Variants in ANKS1B observed in about 807,000 individuals in gnomAD.
ANKS1B encodes ankyrin repeat and sterile alpha motif domain-containing protein 1B.
ANKS1B carries 36 observed loss-of-function variants against 148.3 expected under a neutral mutation model. The ratio of observed to expected loss-of-function variants is 0.24; its 90% CI spans 0.19 to 0.32. The LOEUF is 0.32. Ranked by LOEUF, ANKS1B falls within the 10% of genes least tolerant of loss-of-function variation. The pLI is 1.00. For missense variants in ANKS1B, 1,157 were observed against 1,542.6 expected, an observed-to-expected ratio of 0.75 and a Z score of 4.19; for synonymous variants, 542 against 560.8, an observed-to-expected ratio of 0.97 and a Z score of 0.47.
chr12:99,315,249 A>C (rs992518293), intron 12 of ANKS1B, among the ~76,000 whole-genome samples: 4 of 151,894 alleles, frequency 2.6e-5, no homozygotes, highest in Non-Finnish European at 2.9e-5. Flanking sequence ...AAAAAAAAAA[A>C]AAACAAAAAA....
chr12:99,068,485 C>T (rs1213288667), intron 16 of ANKS1B, among the ~76,000 whole-genome samples: 2 of 152,300 alleles, frequency 1.3e-5, no homozygotes. Context: ...TGGTTCATCA[C>T]TGACCCAAAT....
intron 17 of ANKS1B, among the ~76,000 whole-genome samples, chr12:98,854,472 A>G (rs1199119331): frequency 1.3e-5 from 2 of 152,012 alleles, no homozygotes; most frequent in Non-Finnish European, 2.9e-5. Flanking sequence ...TTTATGCGCA[A>G]TTTACAACCT....
At chr12:99,103,080 G>A (rs1461422775) in intron 15 of ANKS1B, among the ~76,000 whole-genome samples, 1 of 152,086 alleles carries the variant, frequency 6.6e-6, no homozygotes, top group Non-Finnish European at 1.5e-5. Flanking sequence ...AAAACTGCTG[G>A]AGGTAGGAGG....
chr12:99,438,943 A>T (rs192376952), intron 11 of ANKS1B, among the ~76,000 whole-genome samples: 2 of 152,036 alleles, frequency 1.3e-5, no homozygotes, highest in Non-Finnish European at 2.9e-5. Flanking sequence ...ATAAGATGAC[A>T]TAAAAGAATC....
At chr12:99,287,667 A>G (rs770004325) in intron 12 of ANKS1B, among the ~76,000 whole-genome samples, 4 of 152,230 alleles carry the variant, frequency 2.6e-5, no homozygotes, top group Non-Finnish European at 4.4e-5. Context: ...AACACAGAGA[A>G]GGAATTCAGA....
At chr12:99,050,858 A>AT (rs576571213) in intron 17 of ANKS1B, among the ~76,000 whole-genome samples, 1,451 of 141,288 alleles carry the variant, frequency 0.01, 18 homozygotes, top group South Asian at 0.054. Context: ...CGCCCGGCTA[A>AT]TTTTTTTTTT....
Position 99,265,108 on chromosome 12 carries a change from CT to C in ANKS1B, c.1757-18245del, listed in dbSNP as rs368425740. ...TTTTAAATTCATTTAATTTTATTAA[CT>C]TAAATTTTACTTTAAATAGTCACAT... is the stretch of plus-strand genomic sequence containing the variant. On this transcript the variant is annotated intron_variant, in intron 12 of 26. Coordinates refer to ENST00000683438, the MANE Select transcript of ANKS1B (RefSeq NM_001352186.2). Among the ~76,000 whole-genome samples, 756 of 152,254 alleles carry C rather than the reference CT, an allele frequency of 5.0e-3. 2 individuals carry two copies. Among genetic ancestry groups the C allele is most frequent in the South Asian group, 0.019 (91 of 4,828 alleles).
At chr12:99,060,846 G>A (rs1271097386) in intron 16 of ANKS1B, among the ~76,000 whole-genome samples, 5 of 151,126 alleles carry the variant, frequency 3.3e-5, no homozygotes, top group Non-Finnish European at 2.9e-5. Context: ...AATAAAAACA[G>A]GTAAAAAAAA....
At chr12:98,807,992 G>A (rs557503872) in intron 19 of ANKS1B, 74 bp from the exon 20 acceptor site, 5 of 1,104,700 alleles carry the variant, frequency 4.5e-6, no homozygotes, top group East Asian at 2.6e-5. Flanking sequence ...CATCCAGGAA[G>A]GAAAAGAGGA....
intron 17 of ANKS1B, among the ~76,000 whole-genome samples, chr12:98,995,534 C>T (rs755555088): frequency 3.2e-4 from 48 of 152,168 alleles, no homozygotes; most frequent in Non-Finnish European, 6.8e-4. Context: ...TGGAATGAAA[C>T]CCAGGTTCTC....
chr12:99,550,651 G>A (rs1037317503), intron 9 of ANKS1B, among the ~76,000 whole-genome samples: 2 of 151,458 alleles, frequency 1.3e-5, no homozygotes, highest in African/African-American at 2.4e-5. Flanking sequence ...GAAGTTTGAA[G>A]TTATGTAGAA....
chr12:98,810,571 C>T (rs1594398501), intron 19 of ANKS1B, among the ~76,000 whole-genome samples: 1 of 152,286 alleles, frequency 6.6e-6, no homozygotes, highest in East Asian at 1.9e-4. Flanking sequence ...AATAAAGTCT[C>T]CTCTACTTTA....
At chr12:99,156,485 C>T (rs1311623816) in intron 14 of ANKS1B, among the ~76,000 whole-genome samples, 1 of 152,202 alleles carries the variant, frequency 6.6e-6, no homozygotes, top group East Asian at 1.9e-4. Flanking sequence ...CCCAACTCCT[C>T]TGATGACATT....
chr12:99,459,214 C>T (rs1170354418), intron 10 of ANKS1B, among the ~76,000 whole-genome samples: 2 of 152,052 alleles, frequency 1.3e-5, no homozygotes, highest in Non-Finnish European at 2.9e-5. Context: ...TCCAGCATCC[C>T]TTTATGATTA....
At chr12:99,086,114 C>G (rs2051691848) in intron 15 of ANKS1B, among the ~76,000 whole-genome samples, 1 of 152,152 alleles carries the variant, frequency 6.6e-6, no homozygotes, top group Non-Finnish European at 1.5e-5. Context: ...TTTATTCCTT[C>G]CAGTCCCGTG....
At chr12:99,242,746 A>G (rs2089584731) in intron 14 of ANKS1B, among the ~76,000 whole-genome samples, 1 of 152,226 alleles carries the variant, frequency 6.6e-6, no homozygotes. Flanking sequence ...ACACACATCT[A>G]CAACCATCTG....
chr12:98,934,055 G>A (rs2099816249), intron 17 of ANKS1B, among the ~76,000 whole-genome samples: 1 of 152,036 alleles, frequency 6.6e-6, no homozygotes, highest in East Asian at 1.9e-4. Flanking sequence ...TGCCTTTTGT[G>A]TCATACCCAT....
intron 9 of ANKS1B, among the ~76,000 whole-genome samples, chr12:99,639,154 T>A (rs1487063533): frequency 6.6e-6 from 1 of 152,224 alleles, no homozygotes; most frequent in Non-Finnish European, 1.5e-5. Context: ...ACTGGGGGAC[T>A]ACCTAGTAGA....
At chr12:99,846,690 G>T (rs2086719906) in intron 1 of ANKS1B, among the ~76,000 whole-genome samples, 1 of 151,926 alleles carries the variant, frequency 6.6e-6, no homozygotes, top group South Asian at 2.1e-4. Context: ...CTGCCTTCAG[G>T]TTACCAAAAG....
Sources: gnomAD v4.1 joint callset for allele counts (sites outside exome capture counted in the v4.1 genomes callset) on GRCh38, gnomAD v4.1.1 for gene constraint, MANE v1.5 for transcripts, NCBI Gene and HGNC (gene_info 2026-07-23, HGNC 2026-07-21) for gene names.